The following MICAL3 variants were observed in gnomAD, a reference collection of about 807,000 sequenced individuals.
The protein encoded by MICAL3 is microtubule associated monooxygenase, calponin and LIM domain containing 3.
MICAL3 carries 62 observed loss-of-function variants against 207.4 expected under a neutral mutation model. The observed-to-expected ratio is 0.30, with a 90% confidence interval of 0.24 to 0.37. The LOEUF (loss-of-function observed/expected upper bound fraction) is 0.37. Among genes scored for constraint, MICAL3 ranks in the 10% least tolerant of loss-of-function variants. The pLI is 1.00. For synonymous variants in MICAL3, 1,077 were observed against 1,069.3 expected (o/e 1.01, Z -0.14); for missense variants, 2,368 against 2,635.6 (o/e 0.90, Z 2.22).
At chr22:17,850,410 T>TTTTTTTG (rs2146099071) in intron 19 of MICAL3, among the ~76,000 whole-genome samples, 1 of 128,408 alleles carries the variant, frequency 7.8e-6, no homozygotes, top group African/African-American at 3.2e-5. Flanking sequence ...GTTTTTTTTT[T>TTTTTTTG]TTTTTTTTTT....
rs766424122 is a variant in MICAL3 at position 17,793,072 on chromosome 22, C to T, written c.5651-1771G>A. ...AATGCCACCGGAGACGTGCGGACAG[C>T]GCTCACTAGCTATGGAGAGCTCGCC... On this transcript the variant is annotated intron_variant, in intron 29 of 31. Transcript: ENST00000441493. The surrounding 1 kb of genome is among the most constrained non-coding windows in gnomAD (Gnocchi z 4.1). Among the ~76,000 whole-genome samples, 4 of 152,186 alleles carry T rather than the reference C, an allele frequency of 2.6e-5. No homozygotes were observed. Among genetic ancestry groups the T allele is most frequent in the Non-Finnish European group, 4.4e-5 (3 of 68,026 alleles).
chr22:17,845,854 A>G, intron 19 of MICAL3, among the ~76,000 whole-genome samples: 1 of 152,214 alleles, frequency 6.6e-6, no homozygotes, highest in East Asian at 1.9e-4. Context: ...CACTTCATGA[A>G]AGCTTCTTGG....
At chr22:17,837,883 A>G (rs554794321) in intron 20 of MICAL3, among the ~76,000 whole-genome samples, 3 of 152,162 alleles carry the variant, frequency 2.0e-5, no homozygotes, top group African/African-American at 7.2e-5. Context: ...CCAGGGTCTC[A>G]CTCTGTCACC....
intron 1 of MICAL3, among the ~76,000 whole-genome samples, chr22:17,962,256 G>A (rs1376797035): frequency 6.6e-6 from 1 of 151,954 alleles, no homozygotes; most frequent in Admixed American, 6.5e-5. Flanking sequence ...AAGCAAACAT[G>A]TCCTCAACTG....
intron 29 of MICAL3, among the ~76,000 whole-genome samples, chr22:17,797,683 C>A (rs1462282445): frequency 6.6e-6 from 1 of 152,170 alleles, no homozygotes; most frequent in African/African-American, 2.4e-5. Context: ...ATGCTGATAT[C>A]AAAAACAGCA....
Position 17,849,905 on chromosome 22 carries a change from C to A in MICAL3, c.2606-7888G>T, listed in dbSNP as rs577085983. Among the ~76,000 whole-genome samples the A allele has an allele frequency of 2.2e-4, 34 of 151,878 alleles. No individual in the cohort carries two copies. In the East Asian group the frequency reaches 4.1e-3, roughly 18 times the overall value. ...GACGGGTTTCACTATGTTGGCCAGG[C>A]TGGTCTCGAACTCCTGACCTCGTGA... On this transcript the variant is annotated intron_variant, in intron 19 of 31. Coordinates refer to ENST00000441493, the MANE Select transcript of MICAL3 (RefSeq NM_015241.3).
chr22:17,999,817 T>G (rs1922728987), intron 1 of MICAL3, among the ~76,000 whole-genome samples: 1 of 152,212 alleles, frequency 6.6e-6, no homozygotes, highest in African/African-American at 2.4e-5. Context: ...CCTATAATTA[T>G]GAAATTAACT....
chr22:18,014,640 G>C (rs1923940692), intron 1 of MICAL3, among the ~76,000 whole-genome samples: 2 of 152,120 alleles, frequency 1.3e-5, no homozygotes, highest in Admixed American at 1.3e-4. Context: ...GGGGGAAAAA[G>C]TCCCCAAAGA....
chr22:17,847,074 G>A (rs141201585), intron 19 of MICAL3, among the ~76,000 whole-genome samples: 51 of 152,258 alleles, frequency 3.3e-4, no homozygotes, highest in Non-Finnish European at 3.5e-4. Context: ...AGGCATCGGC[G>A]GGTGCAGAGG....
Position 17,886,066 on chromosome 22 carries a change from C to A in MICAL3, c.2068-15G>T. ...GGAGCTTCCTCCTGGTCAATGCCAACCCCAAAGAACCCGGCGCTGTGACAG... is the reference window on the plus strand; with the variant it reads ...GGAGCTTCCTCCTGGTCAATGCCAAACCCAAAGAACCCGGCGCTGTGACAG... On this transcript the variant is annotated splice_polypyrimidine_tract_variant and intron_variant, in intron 15 of 31. Coordinates refer to ENST00000441493, the MANE Select transcript of MICAL3 (RefSeq NM_015241.3). The A allele has an allele frequency of 1.2e-6, 2 of 1,613,078 alleles. No individual in the cohort carries two copies. Among genetic ancestry groups the A allele is most frequent in the Non-Finnish European group, 1.7e-6 (2 of 1,179,608 alleles).
Position 17,817,291 on chromosome 22 carries a change from G to C in MICAL3, c.5350+20C>G. 3 of 1,560,316 alleles carry C rather than the reference G, an allele frequency of 1.9e-6. No individual in the cohort carries two copies. The highest frequency in any genetic ancestry group is 2.6e-6 in the Non-Finnish European group (3 of 1,152,600). On this transcript the variant is annotated intron_variant, in intron 26 of 31. Coordinates refer to ENST00000441493, the MANE Select transcript of MICAL3 (RefSeq NM_015241.3). ...CACCCCTCCCGCTCTGCCTGCACGC[G>C]GACCCGGCTGCTGACGCACCTGCCC... is the stretch of plus-strand genomic sequence containing the variant.
In MICAL3 at chr22:17,817,875, G is replaced by A. The variant is rs199559753; in HGVS notation, c.4786C>T (p.Arg1596Cys). The change falls in exon 26 of 32, where the codon CGC becomes TGC. Residue 1596 changes from arginine (R) to cysteine (C), a missense_variant. By Grantham distance (180) the Arg-to-Cys change is radical (BLOSUM62 -3). This residue lies in a region of MICAL3 where 1,770 missense variants were observed against 1,863.2 expected (regional missense o/e 0.95). Coordinates refer to ENST00000441493, the MANE Select transcript of MICAL3 (RefSeq NM_015241.3). The part of the protein sequence containing the change: ...SAEAKELAEE[R>C]MRAREKSVKS... ...ACGGACTTCTCCCTGGCTCGCATGC[G>A]CTCCTCGGCCAACTCCTTGGCTTCC... 328 of 1,612,364 alleles carry A rather than the reference G, an allele frequency of 2.0e-4. No homozygotes were observed. In the East Asian group the frequency reaches 6.1e-3, roughly 30 times the overall value.
intron 1 of MICAL3, among the ~76,000 whole-genome samples, chr22:17,988,615 C>T (rs547776852): frequency 4.0e-4 from 61 of 152,112 alleles, no homozygotes; most frequent in African/African-American, 1.3e-3. Flanking sequence ...CAACCGCGCC[C>T]GGCTAATTTT....
Position 18,024,481 on chromosome 22 carries a change from G to A in MICAL3, c.-275C>T, listed in dbSNP as rs547376303. 3.9e-5 allele frequency: 6 copies of A among 152,144 alleles called. No individual in the cohort carries two copies. In the East Asian group the frequency reaches 1.2e-3, roughly 30 times the overall value. The allele number at this position is 152,144 out of a possible 1,614,324, so 9.4% of individuals were successfully genotyped here. A position where few individuals can be genotyped will look rare whatever the true frequency, so the allele number is the denominator to read the frequency against. ...AGGGGTTCTCAGGCCGCGCGGCGAG[G>A]ACGGAGGGCTGCCCCGGGTGCCTGC... On this transcript the variant is annotated 5_prime_UTR_variant, in exon 1 of 32. Transcript: ENST00000441493.
At chr22:18,011,967 G>A (rs1424456979) in intron 1 of MICAL3, among the ~76,000 whole-genome samples, 1 of 151,734 alleles carries the variant, frequency 6.6e-6, no homozygotes, top group East Asian at 1.9e-4. Context: ...GGGTCTGGTG[G>A]CTCACACCTG....
chr22:18,016,295 T>G (rs1471267759), intron 1 of MICAL3, among the ~76,000 whole-genome samples: 1 of 152,248 alleles, frequency 6.6e-6, no homozygotes, highest in South Asian at 2.1e-4. Flanking sequence ...GTTTTGTTCA[T>G]TGCATTGCCT....
chr22:17,816,418 A>G (rs972342942), intron 27 of MICAL3, among the ~76,000 whole-genome samples: 24 of 152,346 alleles, frequency 1.6e-4, no homozygotes, highest in African/African-American at 5.8e-4. Context: ...CCTCCAGAGA[A>G]GGGGAGTGTG....
chr22:17,877,341 AGGGAGG>A (rs1357802595), intron 16 of MICAL3, among the ~76,000 whole-genome samples: 1 of 109,766 alleles, frequency 9.1e-6, no homozygotes, highest in Non-Finnish European at 1.7e-5. Context: ...TATGGAGGTT[AGGGAGG>A]TTAGGGAGGT....
chr22:17,925,962 G>T (rs1932914952), intron 1 of MICAL3, among the ~76,000 whole-genome samples: 1 of 151,936 alleles, frequency 6.6e-6, no homozygotes, highest in Non-Finnish European at 1.5e-5. Context: ...ACTGATCAAA[G>T]AAATAAAATA....
Sources: allele counts gnomAD v4.1 joint callset (sites outside exome capture counted in the v4.1 genomes callset), GRCh38; gene constraint gnomAD v4.1.1; regional missense constraint gnomAD v4.1.1; non-coding constraint Gnocchi (gnomAD v3.1); transcripts MANE v1.5; gene names NCBI Gene and HGNC (gene_info 2026-07-23, HGNC 2026-07-21).